Variants in PRKCH observed in about 807,000 individuals in gnomAD.
PRKCH encodes protein kinase C eta type.
In PRKCH, 28 loss-of-function variants were observed where a neutral mutation model predicts 82.5. That is an observed-to-expected ratio of 0.34 (90% CI 0.25 to 0.47). The LOEUF is 0.47. Ranked by LOEUF, PRKCH falls within the 20% of genes least tolerant of loss-of-function variation. The pLI is 1.00. For synonymous variants in PRKCH, 322 were observed against 327.4 expected (o/e 0.98, Z 0.18); for missense variants, 705 against 881.8 (o/e 0.80, Z 2.54).
intron 4 of PRKCH, among the ~76,000 whole-genome samples, chr14:61,448,342 A>G (rs755118106): frequency 1.6e-4 from 24 of 152,222 alleles, no homozygotes; most frequent in Middle Eastern, 3.2e-3. Flanking sequence ...AAGCTCAACT[A>G]TCTGCAGTGT....
intron 1 of PRKCH, among the ~76,000 whole-genome samples, chr14:61,328,612 G>A (rs1329511751): frequency 1.3e-5 from 2 of 152,164 alleles, no homozygotes. Flanking sequence ...TGGTAAAAGT[G>A]TGGTGCATTT....
chr14:61,311,009 T>TG (rs1278793439), intron 1 of PRKCH, among the ~76,000 whole-genome samples: 1 of 152,238 alleles, frequency 6.6e-6, no homozygotes, highest in Admixed American at 6.5e-5. Context: ...GTGCATGGGA[T>TG]GCAGGGTGCC....
chr14:61,430,475 T>G (rs1883330716), intron 2 of PRKCH, among the ~76,000 whole-genome samples: 1 of 152,178 alleles, frequency 6.6e-6, no homozygotes, highest in Non-Finnish European at 1.5e-5. Context: ...AAATGAAGCA[T>G]ATCTCTGTCA....
chr14:61,437,863 G>T (rs531706183), intron 2 of PRKCH, among the ~76,000 whole-genome samples: 1 of 151,938 alleles, frequency 6.6e-6, no homozygotes, highest in Non-Finnish European at 1.5e-5. Flanking sequence ...TTGGGAGGCC[G>T]AGGCAGGAGG....
At chr14:61,454,155 C>G (rs935442842) in intron 7 of PRKCH, among the ~76,000 whole-genome samples, 2 of 151,712 alleles carry the variant, frequency 1.3e-5, no homozygotes, top group South Asian at 2.1e-4. Flanking sequence ...GTCACCCAGC[C>G]TGGAGTGCAG....
chr14:61,324,764 G>T (rs1007297617), intron 1 of PRKCH, among the ~76,000 whole-genome samples: 2 of 152,106 alleles, frequency 1.3e-5, no homozygotes, highest in African/African-American at 4.8e-5. Context: ...TGGCCCAAAG[G>T]TGCTTTTGAA....
At chr14:61,475,268 A>C (rs2140316743) in intron 9 of PRKCH, among the ~76,000 whole-genome samples, 1 of 152,406 alleles carries the variant, frequency 6.6e-6, no homozygotes, top group Non-Finnish European at 1.5e-5. Flanking sequence ...AATGACTTGA[A>C]GAAATCCTAT....
At chr14:61,424,699 G>A (rs540158008) in intron 2 of PRKCH, among the ~76,000 whole-genome samples, 15 of 152,332 alleles carry the variant, frequency 9.8e-5, no homozygotes, top group Admixed American at 2.6e-4. Context: ...AGAAATTTGC[G>A]TAAGTAACAA....
At chr14:61,541,981 G>A (rs766988421) in intron 12 of PRKCH, among the ~76,000 whole-genome samples, 12 of 152,204 alleles carry the variant, frequency 7.9e-5, no homozygotes, top group Non-Finnish European at 1.5e-4. Context: ...TGCAGATATA[G>A]TTGCACATTA....
chr14:61,209,289 G>A (rs1416712270), intron 1 of PRKCH, among the ~76,000 whole-genome samples: 1 of 134,030 alleles, frequency 7.5e-6, no homozygotes, highest in East Asian at 2.2e-4. Context: ...ATACAAAATG[G>A]ACTAAGACAG....
At chr14:61,236,980 A>G (rs1298640765) in intron 1 of PRKCH, among the ~76,000 whole-genome samples, 1 of 152,146 alleles carries the variant, frequency 6.6e-6, no homozygotes, top group Admixed American at 6.5e-5. Context: ...GCAGACATTC[A>G]TTTATTCCTT....
intron 1 of PRKCH, among the ~76,000 whole-genome samples, chr14:61,228,622 T>TC (rs1407632886): frequency 6.6e-6 from 1 of 151,280 alleles, no homozygotes; most frequent in Admixed American, 6.6e-5. Flanking sequence ...CAAGATTTTT[T>TC]TTCTAGTAAC....
chr14:61,422,166 C>G (rs1455368490), intron 2 of PRKCH, among the ~76,000 whole-genome samples: 2 of 152,166 alleles, frequency 1.3e-5, no homozygotes, highest in African/African-American at 4.8e-5. Flanking sequence ...TCACTGCAAC[C>G]TCGAACTCCT....
At chr14:61,527,427 C>CTAAGTGAT (rs1161851973) in intron 10 of PRKCH, among the ~76,000 whole-genome samples, 1 of 152,212 alleles carries the variant, frequency 6.6e-6, no homozygotes, top group Non-Finnish European at 1.5e-5. Context: ...CCGTCTATCT[C>CTAAGTGAT]TAAGTGATTA....
At chr14:61,454,552 C>G (rs1884672541) in intron 7 of PRKCH, among the ~76,000 whole-genome samples, 1 of 152,200 alleles carries the variant, frequency 6.6e-6, no homozygotes, top group African/African-American at 2.4e-5. Flanking sequence ...TAAAGCGGTT[C>G]AACTTGAAGA....
chr14:61,420,759 A>G (rs11852192), intron 2 of PRKCH, among the ~76,000 whole-genome samples: 117,420 of 152,046 alleles, frequency 0.77, 47,955 homozygotes, highest in Middle Eastern at 0.92. Flanking sequence ...CTTCTAAGAA[A>G]CTCACTTCCA....
At chr14:61,421,954 T>C (rs546337570) in intron 2 of PRKCH, among the ~76,000 whole-genome samples, 43 of 152,268 alleles carry the variant, frequency 2.8e-4, no homozygotes, top group African/African-American at 9.9e-4. Flanking sequence ...AGAAAGAGAT[T>C]AGGGCAGGTG....
chr14:61,227,332 C>T (rs976450267), intron 1 of PRKCH, among the ~76,000 whole-genome samples: 5 of 152,314 alleles, frequency 3.3e-5, no homozygotes, highest in East Asian at 3.9e-4. Context: ...CGGTGGCTCA[C>T]GCCTGTAATC....
At chr14:61,247,464 G>A (rs943749587) in intron 1 of PRKCH, among the ~76,000 whole-genome samples, 9 of 152,020 alleles carry the variant, frequency 5.9e-5, no homozygotes, top group Admixed American at 4.6e-4. Flanking sequence ...GGCCAGGCAT[G>A]GTGGCTCACG....
Sources: allele counts gnomAD v4.1 joint callset (sites outside exome capture counted in the v4.1 genomes callset), GRCh38; gene constraint gnomAD v4.1.1; transcripts MANE v1.5; gene names NCBI Gene and HGNC (gene_info 2026-07-23, HGNC 2026-07-21).